RERE: variants seen among roughly 807,000 people sequenced by gnomAD.
RERE encodes arginine-glutamic acid dipeptide repeats protein.
In RERE, 40 loss-of-function variants were observed where a neutral mutation model predicts 146.1. The observed-to-expected ratio is 0.27, with a 90% CI of 0.21 to 0.36. The LOEUF (loss-of-function observed/expected upper bound fraction) is 0.36. RERE is among the 10% of genes least tolerant of loss of function. RERE has a pLI of 1.00. For synonymous variants in RERE, 1,003 were observed against 866.0 expected, an observed-to-expected ratio of 1.16 and a Z score of -2.78; for missense variants, 1,933 against 2,138.7, an observed-to-expected ratio of 0.90 and a Z score of 1.90.
chr1:8,652,469 T>C (rs1263475309), intron 2 of RERE, among the ~76,000 whole-genome samples: 4 of 151,926 alleles, frequency 2.6e-5, no homozygotes, highest in African/African-American at 7.3e-5. Flanking sequence ...AGAAGGGAGG[T>C]GTATTAGTCC....
At chr1:8,574,911 T>C (rs1646271749) in intron 4 of RERE, among the ~76,000 whole-genome samples, 1 of 152,232 alleles carries the variant, frequency 6.6e-6, no homozygotes, top group Admixed American at 6.5e-5. Flanking sequence ...CATGAATATA[T>C]ATTAGACTTC....
Position 8,360,587 on chromosome 1 carries a change from A to C in RERE, c.2920T>G (p.Ser974Ala), listed in dbSNP as rs1357988703. The C allele has an allele frequency of 6.9e-7, 1 of 1,445,638 alleles. No individual in the cohort carries two copies. The highest frequency in any genetic ancestry group is 9.1e-7 in the Non-Finnish European group (1 of 1,098,194). 89.6% of individuals were successfully genotyped at this position (1,445,638 alleles called of 1,614,324 possible). Residue 974 changes from serine (S) to alanine (A), a missense_variant, in exon 18 of 23, where the codon TCC (serine) becomes GCC (alanine). Around this residue, in one of 11 missense-constraint regions of RERE, gnomAD observed 1,255 missense variants for 1,153.8 expected, o/e 1.09. Coordinates refer to ENST00000400908, the MANE Select transcript of RERE (RefSeq NM_001042681.2). ...GACGGGGGGTGATGTGTGGACAGGGAGCTCAGGGGCTTCAGGGCTGGAGGG... is the reference window on the plus strand; with the variant it reads ...GACGGGGGGTGATGTGTGGACAGGGCGCTCAGGGGCTTCAGGGCTGGAGGG... Reference protein sequence around the residue: ...PPPPALKPLSSLSTHHPPSAH... With the variant: ...PPPPALKPLSALSTHHPPSAH...
At chr1:8,758,166 AC>A (rs1640682482) in intron 1 of RERE, among the ~76,000 whole-genome samples, 1 of 151,752 alleles carries the variant, frequency 6.6e-6, no homozygotes, top group East Asian at 1.9e-4. Context: ...GCTCACTGCA[AC>A]CTCCACCTCC....
At position 8,470,886 on chromosome 1, in the gene RERE, T is replaced by G. The variant is rs188114558; in HGVS notation, c.1105-4863A>C. On this transcript the variant is annotated intron_variant, in intron 10 of 22. Coordinates refer to ENST00000400908, the MANE Select transcript of RERE (RefSeq NM_001042681.2). ...CAGGCTGGAGTGCAGTGGCACAATT[T>G]CAGCTCACTGAAACCTCCACCTCCC... Among the ~76,000 whole-genome samples the G allele has an allele frequency of 6.6e-3, 861 of 129,586 alleles. 11 individuals are homozygous for G. Among genetic ancestry groups the G allele is most frequent in the Admixed American group, 8.8e-3 (84 of 9,504 alleles). 85.0% of individuals were successfully genotyped at this position (129,586 alleles called of 152,430 possible). A position where few individuals can be genotyped will look rare whatever the true frequency, so the allele number is the denominator to read the frequency against.
chr1:8,611,624 T>C (rs1646794532), intron 4 of RERE, among the ~76,000 whole-genome samples: 1 of 152,296 alleles, frequency 6.6e-6, no homozygotes, highest in South Asian at 2.1e-4. Flanking sequence ...CAAAAAGACA[T>C]GGCTAAAAGA....
At chr1:8,526,658 AAAT>A (rs1391238845) in intron 7 of RERE, among the ~76,000 whole-genome samples, 2 of 152,222 alleles carry the variant, frequency 1.3e-5, no homozygotes, top group Non-Finnish European at 2.9e-5. Context: ...AACATTCCCC[AAAT>A]AATAAATTAA....
rs1204630548 is a variant in RERE at position 8,761,351 on chromosome 1, C to A, written c.-145+55809G>T. On this transcript the variant is annotated intron_variant, in intron 1 of 22. Transcript: ENST00000400908. ...ATCTCCATCTTAACCTTGATGACTT[C>A]TCAAGATATTAAATATTTCCATCTG... Among the ~76,000 whole-genome samples, 3 of 152,296 alleles carry A rather than the reference C, an allele frequency of 2.0e-5. No individual in the cohort carries two copies. The East Asian group carries it at 5.8e-4, about 29-fold the overall frequency.
rs1553131181 is a variant in RERE, at chr1:8,671,490, ACCTCC to A, written c.-144-15054_-144-15050del. On this transcript the variant is annotated intron_variant, in intron 1 of 22. Coordinates refer to ENST00000400908, the MANE Select transcript of RERE (RefSeq NM_001042681.2). Reference sequence around the variant, plus strand: ...GCTAGAAGACACATAGGATGGAAACACCTCCCCCTGCTGTTTCACAGGGAAATACA... The same window carrying A: ...GCTAGAAGACACATAGGATGGAAACACCCTGCTGTTTCACAGGGAAATACA... Among the ~76,000 whole-genome samples, 45 of 152,146 alleles carry A rather than the reference ACCTCC, an allele frequency of 3.0e-4. No individual in the cohort carries two copies. In the South Asian group the frequency reaches 8.3e-3, roughly 28 times the overall value.
At chr1:8,773,859 G>A (rs1052449600) in intron 1 of RERE, among the ~76,000 whole-genome samples, 9 of 152,140 alleles carry the variant, frequency 5.9e-5, no homozygotes, top group Admixed American at 3.9e-4. Flanking sequence ...TTACAATGCT[G>A]TACATACATT....
At chr1:8,766,561 A>C (rs923478235) in intron 1 of RERE, among the ~76,000 whole-genome samples, 280 of 151,562 alleles carry the variant, frequency 1.8e-3, no homozygotes, top group Non-Finnish European at 3.4e-3. Flanking sequence ...AAAAAAAAAA[A>C]AAGAAAAGAA....
chr1:8,661,868 C>T (rs1386024498), intron 1 of RERE, among the ~76,000 whole-genome samples: 2 of 152,136 alleles, frequency 1.3e-5, no homozygotes, highest in Non-Finnish European at 2.9e-5. Flanking sequence ...AATGAGATCA[C>T]CCAGGAAGTG....
At position 8,360,378 on chromosome 1, in the gene RERE, G is replaced by C. The variant is rs1305864548; in HGVS notation, c.3129C>G (p.Gly1043=). The part of the protein sequence containing the change: ...PFAQHPFVPG[G]PPPITPPTCP... ...AGGTCGGAGGGGTGATGGGAGGAGG[G>C]CCTCCAGGGACAAAGGGGTGCTGAG... The change falls in exon 18 of 23, where the codon GGC becomes GGG. Residue 1043 remains glycine (G), a synonymous_variant. Transcript: ENST00000400908. The C allele has an allele frequency of 1.7e-6, 2 of 1,206,468 alleles. No individual in the cohort carries two copies. The allele number at this position is 1,206,468 out of a possible 1,614,324, so 74.7% of individuals were successfully genotyped here. A position where few individuals can be genotyped will look rare whatever the true frequency, so the allele number is the denominator to read the frequency against.
In RERE at chr1:8,744,362, T is replaced by C. The variant is rs141467160; in HGVS notation, c.-145+72798A>G. 1.4e-3 allele frequency among the ~76,000 whole-genome samples: 211 copies of C among 152,366 alleles called. 3 individuals carry two copies. In the South Asian group the frequency reaches 0.025, roughly 18 times the overall value. On this transcript the variant is annotated intron_variant, in intron 1 of 22. Transcript: ENST00000400908. Reference sequence around the variant, plus strand: ...GTAACGATTTACACCACACCACTTATAACATTATGAGGGTCACACTAACCA... The same window carrying C: ...GTAACGATTTACACCACACCACTTACAACATTATGAGGGTCACACTAACCA...
chr1:8,527,987 CT>C (rs1557673335), intron 7 of RERE, among the ~76,000 whole-genome samples: 2 of 152,230 alleles, frequency 1.3e-5, no homozygotes, highest in Admixed American at 6.5e-5. Flanking sequence ...CTGCACCTCT[CT>C]TATTAGATTC....
chr1:8,646,532 G>A (rs1195010816), intron 2 of RERE, among the ~76,000 whole-genome samples: 2 of 148,168 alleles, frequency 1.3e-5, no homozygotes, highest in Non-Finnish European at 3.0e-5. Context: ...ACCCTTCCCC[G>A]CCACTCAAAA....
At chr1:8,715,229 C>T (rs1008716406) in intron 1 of RERE, among the ~76,000 whole-genome samples, 4 of 148,802 alleles carry the variant, frequency 2.7e-5, no homozygotes, top group South Asian at 2.3e-4. Context: ...TATAAACATT[C>T]GGCTGGGTGC....
chr1:8,400,208 C>A, intron 12 of RERE, among the ~76,000 whole-genome samples: 1 of 101,326 alleles, frequency 9.9e-6, no homozygotes, highest in African/African-American at 3.3e-5. Context: ...TCTTCCTTTC[C>A]ATTCCTGTGT....
intron 11 of RERE, chr1:8,430,171 G>A (rs1319477112): frequency 1.3e-5 from 2 of 152,186 alleles, no homozygotes; most frequent in African/African-American, 4.8e-5. Context: ...GAGCTTTACT[G>A]TTGATACTGC....
intron 8 of RERE, among the ~76,000 whole-genome samples, chr1:8,502,851 G>A (rs1645193863): frequency 6.7e-6 from 1 of 149,002 alleles, no homozygotes; most frequent in East Asian, 2.0e-4. Flanking sequence ...ATTAAGGGCG[G>A]TGCAAGATGT....
Sources: allele counts gnomAD v4.1 joint callset (sites outside exome capture counted in the v4.1 genomes callset), GRCh38; gene constraint gnomAD v4.1.1; regional missense constraint gnomAD v4.1.1; transcripts MANE v1.5; gene names NCBI Gene and HGNC (gene_info 2026-07-23, HGNC 2026-07-21).